Variants in ROBO1 observed in about 807,000 individuals in gnomAD.
The protein encoded by ROBO1 is roundabout guidance receptor 1.
Under a neutral mutation model 195.9 loss-of-function variants are expected in ROBO1, and 149 were observed. The ratio of observed to expected loss-of-function variants is 0.76; its 90% confidence interval spans 0.67 to 0.87. ROBO1 has a LOEUF of 0.87. Among genes scored for constraint, ROBO1 ranks in the 40% least tolerant of loss-of-function variants. The probability of loss-of-function intolerance (pLI) is 0.00; values close to 1 mark genes in which losing one functional copy is unlikely to be tolerated. For synonymous variants in ROBO1, 816 were observed against 733.2 expected, an observed-to-expected ratio of 1.11 and a Z score of -1.82; for missense variants, 1,933 against 2,068.3, an observed-to-expected ratio of 0.93 and a Z score of 1.27.
chr3:79,302,134 A>G (rs2032990443), intron 2 of ROBO1, among the ~76,000 whole-genome samples: 1 of 152,200 alleles, frequency 6.6e-6, no homozygotes, highest in African/African-American at 2.4e-5. Context: ...GAATGTTAGT[A>G]CAGGAACTAT....
intron 2 of ROBO1, among the ~76,000 whole-genome samples, chr3:79,280,816 G>A (rs1215218226): frequency 6.6e-6 from 1 of 152,080 alleles, no homozygotes; most frequent in Non-Finnish European, 1.5e-5. Flanking sequence ...GCTCGCATGC[G>A]CACTTCACAA....
At chr3:78,654,149 G>A (rs2107632434) in intron 18 of ROBO1, among the ~76,000 whole-genome samples, 1 of 152,206 alleles carries the variant, frequency 6.6e-6, no homozygotes, top group Admixed American at 6.5e-5. Context: ...AAATGACATT[G>A]CATCTTGATA....
intron 2 of ROBO1, among the ~76,000 whole-genome samples, chr3:79,442,216 A>AT (rs1328388987): frequency 1.3e-5 from 2 of 151,978 alleles, no homozygotes; most frequent in Non-Finnish European, 2.9e-5. Context: ...TCTCTCATAG[A>AT]TTTTTTTCCC....
chr3:79,550,651 T>TGCAA (rs1942477225), intron 2 of ROBO1, among the ~76,000 whole-genome samples: 2 of 152,198 alleles, frequency 1.3e-5, no homozygotes, highest in South Asian at 4.1e-4. Context: ...TGGTGAATTA[T>TGCAA]TAGGGAGAAA....
chr3:79,508,174 A>G (rs2107530023), intron 2 of ROBO1, among the ~76,000 whole-genome samples: 1 of 152,296 alleles, frequency 6.6e-6, no homozygotes, highest in Non-Finnish European at 1.5e-5. Flanking sequence ...TGATGGGTAC[A>G]GCAAACCAAC....
At chr3:79,028,371 A>G (rs2078237914) in intron 3 of ROBO1, among the ~76,000 whole-genome samples, 1 of 151,838 alleles carries the variant, frequency 6.6e-6, no homozygotes, top group Non-Finnish European at 1.5e-5. Context: ...AAAGATCATC[A>G]TAAGAATTTT....
At chr3:78,662,165 G>A (rs1473490186) in intron 14 of ROBO1, 51 bp from the exon 15 acceptor site, 14 of 1,522,062 alleles carry the variant, frequency 9.2e-6, no homozygotes, top group East Asian at 2.5e-5. Flanking sequence ...GTTACTGAAC[G>A]GAATGAAAGC....
intron 4 of ROBO1, among the ~76,000 whole-genome samples, chr3:78,898,374 GATA>G (rs1431575452): frequency 0.011 from 1,514 of 142,322 alleles, 27 homozygotes; most frequent in African/African-American, 0.037. Context: ...TAGATAGATA[GATA>G]GGGTTTTTTT....
chr3:78,757,378 G>T (rs1316461644), intron 4 of ROBO1, among the ~76,000 whole-genome samples: 3 of 151,890 alleles, frequency 2.0e-5, no homozygotes, highest in African/African-American at 7.3e-5. Context: ...GCCTGAAAAA[G>T]ACTAGAGTGT....
At chr3:79,443,978 AAG>A (rs890590869) in intron 2 of ROBO1, among the ~76,000 whole-genome samples, 9 of 150,688 alleles carry the variant, frequency 6.0e-5, no homozygotes, top group African/African-American at 1.5e-4. Flanking sequence ...TGCACATGAA[AAG>A]AAAAAAAAAA....
At chr3:79,144,852 T>C (rs1440616215) in intron 2 of ROBO1, among the ~76,000 whole-genome samples, 1 of 152,000 alleles carries the variant, frequency 6.6e-6, no homozygotes, top group African/African-American at 2.4e-5. Context: ...CCACTGTGAA[T>C]AGCAATGTAT....
intron 2 of ROBO1, among the ~76,000 whole-genome samples, chr3:79,324,659 G>C (rs960443233): frequency 6.6e-6 from 1 of 152,120 alleles, no homozygotes. Context: ...AAGAGAAAGA[G>C]AGGTGGCCTC....
intron 4 of ROBO1, among the ~76,000 whole-genome samples, chr3:78,758,127 T>G (rs2082986754): frequency 6.6e-6 from 1 of 152,356 alleles, no homozygotes; most frequent in Non-Finnish European, 1.5e-5. Flanking sequence ...CTAACAACTC[T>G]GACTTAAGGT....
chr3:79,310,222 A>G (rs2033417488), intron 2 of ROBO1, among the ~76,000 whole-genome samples: 1 of 152,194 alleles, frequency 6.6e-6, no homozygotes, highest in Admixed American at 6.5e-5. Flanking sequence ...AGATCTGATT[A>G]GTTCTGGGCC....
chr3:79,183,798 T>G (rs2081388280), intron 2 of ROBO1, among the ~76,000 whole-genome samples: 1 of 152,186 alleles, frequency 6.6e-6, no homozygotes, highest in African/African-American at 2.4e-5. Flanking sequence ...CCTGTAGCTA[T>G]CAGATGATTT....
chr3:79,657,945 T>C (rs1946218003), intron 1 of ROBO1, among the ~76,000 whole-genome samples: 1 of 152,044 alleles, frequency 6.6e-6, no homozygotes, highest in Non-Finnish European at 1.5e-5. Flanking sequence ...CATCTATCAA[T>C]GGTGTCAGGC....
rs558617721 is a variant in ROBO1, at chr3:78,996,703, TAC to T, written c.173-57778_173-57777del. ...CCACACAAACACACACATGCACACATACACACACACAAACACACACACACACA... is the reference window on the plus strand; with the variant it reads ...CCACACAAACACACACATGCACACATACACACACAAACACACACACACACA... On this transcript the variant is annotated intron_variant, in intron 3 of 30. Transcript: ENST00000464233. Among the ~76,000 whole-genome samples, 168 of 151,694 alleles carry T rather than the reference TAC, an allele frequency of 1.1e-3. 3 individuals are homozygous for T. In the South Asian group the frequency reaches 0.034, roughly 31 times the overall value.
intron 1 of ROBO1, among the ~76,000 whole-genome samples, chr3:79,723,675 G>T (rs1702793889): frequency 6.6e-6 from 1 of 152,180 alleles, no homozygotes; most frequent in Non-Finnish European, 1.5e-5. Flanking sequence ...TATGGTCAAA[G>T]TAATATTAAG....
At chr3:78,798,889 G>A (rs1428705205) in intron 4 of ROBO1, among the ~76,000 whole-genome samples, 2 of 152,196 alleles carry the variant, frequency 1.3e-5, no homozygotes, top group African/African-American at 4.8e-5. Flanking sequence ...TGGCGACTAA[G>A]ATGAAGGATA....
Sources: allele counts gnomAD v4.1 joint callset (sites outside exome capture counted in the v4.1 genomes callset), GRCh38; gene constraint gnomAD v4.1.1; transcripts MANE v1.5; gene names NCBI Gene and HGNC (gene_info 2026-07-23, HGNC 2026-07-21).